NXPH2: variants seen among roughly 807,000 people sequenced by gnomAD.
NXPH2 encodes neurexophilin 2, also known as neurexophilin-2.
Under a neutral mutation model 19.8 loss-of-function variants are expected in NXPH2, and 5 were observed. The ratio of observed to expected loss-of-function variants is 0.25; its 90% confidence interval spans 0.13 to 0.53. The LOEUF (loss-of-function observed/expected upper bound fraction) is 0.53, where lower values mean the gene tolerates loss of function less well. Among genes scored for constraint, NXPH2 ranks in the 20% least tolerant of loss-of-function variants. NXPH2 has a pLI of 0.96. For synonymous variants in NXPH2, 154 were observed against 127.4 expected (o/e 1.21, Z -1.41); for missense variants, 289 against 322.8 (o/e 0.90, Z 0.80).
intron 1 of NXPH2, among the ~76,000 whole-genome samples, chr2:138,699,321 C>G (rs1680881458): frequency 6.6e-6 from 1 of 152,026 alleles, no homozygotes; most frequent in Admixed American, 6.6e-5. Flanking sequence ...GAGAAAAGAG[C>G]AAAGAGGAAG....
chr2:138,766,427 T>C (rs1270663333), intron 1 of NXPH2, among the ~76,000 whole-genome samples: 2 of 152,166 alleles, frequency 1.3e-5, no homozygotes, highest in Non-Finnish European at 2.9e-5. Flanking sequence ...TTTGTCAATG[T>C]CTGGAGACTT....
At chr2:138,706,298 A>C (rs1303065475) in intron 1 of NXPH2, among the ~76,000 whole-genome samples, 7 of 152,348 alleles carry the variant, frequency 4.6e-5, no homozygotes, top group African/African-American at 1.4e-4. Context: ...TGGCAGTGTA[A>C]GCAAGAAAGT....
At chr2:138,678,416 A>T (rs923876981) in intron 1 of NXPH2, among the ~76,000 whole-genome samples, 4 of 152,128 alleles carry the variant, frequency 2.6e-5, no homozygotes, top group African/African-American at 9.7e-5. Context: ...GAATTCTCAT[A>T]AGGGTTGCAG....
intron 1 of NXPH2, among the ~76,000 whole-genome samples, chr2:138,692,975 T>C (rs1267291718): frequency 6.6e-6 from 1 of 152,206 alleles, no homozygotes; most frequent in Non-Finnish European, 1.5e-5. Flanking sequence ...TAAGTTATAG[T>C]TCCATTTCAT....
intron 1 of NXPH2, among the ~76,000 whole-genome samples, chr2:138,712,684 T>G (rs926561819): frequency 6.6e-6 from 1 of 152,180 alleles, no homozygotes; most frequent in Non-Finnish European, 1.5e-5. Flanking sequence ...CCCCTTCCTA[T>G]GTTCTTGAGA....
In NXPH2 at chr2:138,669,564, A is replaced by T. The variant is rs11686608; in HGVS notation, c.*1358T>A. Among the ~76,000 whole-genome samples, 1,928 of 152,308 alleles carry T rather than the reference A, an allele frequency of 0.013. 17 individuals are homozygous for T. Among genetic ancestry groups the T allele is most frequent in the Non-Finnish European group, 0.02 (1,365 of 68,020 alleles). ...TAGGACTTCTCTTCCTTTAGTCCTC[A>T]ATTTAATGTTTTACTTTAATTAATA... On this transcript the variant is annotated 3_prime_UTR_variant, in exon 2 of 2. Transcript: ENST00000272641.
At chr2:138,671,925 T>C (rs1680422881) in intron 1 of NXPH2, among the ~76,000 whole-genome samples, 1 of 151,318 alleles carries the variant, frequency 6.6e-6, no homozygotes, top group African/African-American at 2.4e-5. Context: ...GATTTTAGTC[T>C]CTGTTTCCTG....
Position 138,670,777 on chromosome 2 carries a change from C to T in NXPH2, c.*145G>A. The T allele has an allele frequency of 6.0e-6, 5 of 832,022 alleles. No homozygotes were observed. Among genetic ancestry groups the T allele is most frequent in the African/African-American group, 1.7e-5 (1 of 58,022 alleles). The allele number at this position is 832,022 out of a possible 1,614,324, so 51.5% of individuals were successfully genotyped here. ...TTCACACTTAAAGATGTCTCTTTTT[C>T]TTTTTTTAAATTTGAAAACCTGATA... On this transcript the variant is annotated 3_prime_UTR_variant, in exon 2 of 2. Coordinates refer to ENST00000272641, the MANE Select transcript of NXPH2 (RefSeq NM_007226.3).
chr2:138,749,123 T>C (rs1293050546), intron 1 of NXPH2, among the ~76,000 whole-genome samples: 1 of 152,160 alleles, frequency 6.6e-6, no homozygotes, highest in Non-Finnish European at 1.5e-5. Flanking sequence ...CGGGGCAGTT[T>C]CCCCCATGCT....
chr2:138,755,535 A>G (rs1377527065), intron 1 of NXPH2, among the ~76,000 whole-genome samples: 1 of 152,004 alleles, frequency 6.6e-6, no homozygotes, highest in Non-Finnish European at 1.5e-5. Context: ...CTATGTGTCT[A>G]TATTTGCTTT....
At chr2:138,780,074 GC>G (rs1203421312) in intron 1 of NXPH2, 116 bp downstream of exon 1, 1 of 1,012,894 alleles carries the variant, frequency 9.9e-7, no homozygotes, top group Non-Finnish European at 1.4e-6. Flanking sequence ...CCCTCCGCGC[GC>G]CCCCAACCCC....
chr2:138,671,345 G>C lies in NXPH2; in HGVS notation c.372C>G (p.Val124=). Residue 124 remains valine, a synonymous_variant, in exon 2 of 2, where the codon GTC becomes GTG. Coordinates refer to ENST00000272641, the MANE Select transcript of NXPH2 (RefSeq NM_007226.3). ...TCCCTGTGATGAGGAGATTGAGTTT[G>C]ACAGTTTTAATGTTGGAATGAAAGT... The part of the protein sequence containing the change: ...WGDFHSNIKT[V]KLNLLITGKI... The C allele has an allele frequency of 1.2e-6, 2 of 1,613,814 alleles. No individual in the cohort carries two copies. Among genetic ancestry groups the C allele is most frequent in the African/African-American group, 1.3e-5 (1 of 75,034 alleles).
chr2:138,671,750 T>C, intron 1 of NXPH2, 85 bp from the exon 2 acceptor site: 6 of 1,290,008 alleles, frequency 4.7e-6, no homozygotes, highest in Non-Finnish European at 6.3e-6. Context: ...CAAGGGAAAT[T>C]ATTTCAACAT....
chr2:138,719,911 T>C (rs1681250281), intron 1 of NXPH2, among the ~76,000 whole-genome samples: 1 of 152,192 alleles, frequency 6.6e-6, no homozygotes, highest in Non-Finnish European at 1.5e-5. Flanking sequence ...TACTTTTTCT[T>C]GTGCAAATAG....
At chr2:138,686,700 A>G (rs957506792) in intron 1 of NXPH2, among the ~76,000 whole-genome samples, 1 of 149,050 alleles carries the variant, frequency 6.7e-6, no homozygotes, top group African/African-American at 2.5e-5. Context: ...ATCCCTCCCC[A>G]CTCCTCCCAC....
intron 1 of NXPH2, among the ~76,000 whole-genome samples, chr2:138,692,671 A>G (rs1420114763): frequency 6.6e-6 from 1 of 152,194 alleles, no homozygotes; most frequent in Non-Finnish European, 1.5e-5. Context: ...TCTTATGCAT[A>G]GCATATTTGG....
At chr2:138,760,532 C>T (rs1018376580) in intron 1 of NXPH2, among the ~76,000 whole-genome samples, 3 of 152,186 alleles carry the variant, frequency 2.0e-5, no homozygotes, top group African/African-American at 7.2e-5. Flanking sequence ...CATCTATCAT[C>T]AAAAATCATA....
chr2:138,780,350 C>T lies in NXPH2; in HGVS notation c.-109G>A. On this transcript the variant is annotated 5_prime_UTR_variant, in exon 1 of 2. Transcript: ENST00000272641. ...ACGCCAGGGACACAGCGCGGCGCTT[C>T]CCTCCCGGAATCCGAGCGCTGCGCC... 1.2e-6 allele frequency: 1 copy of T among 862,326 alleles called. No individual in the cohort carries two copies. The highest frequency in any genetic ancestry group is 4.3e-5 in the Admixed American group (1 of 23,172). 53.4% of individuals were successfully genotyped at this position (862,326 alleles called of 1,614,324 possible).
intron 1 of NXPH2, among the ~76,000 whole-genome samples, chr2:138,774,492 C>T (rs1682228674): frequency 6.6e-6 from 1 of 152,056 alleles, no homozygotes; most frequent in Non-Finnish European, 1.5e-5. Context: ...TATACAGTAA[C>T]TAAAGATGTA....
Sources: allele counts gnomAD v4.1 joint callset (sites outside exome capture counted in the v4.1 genomes callset), GRCh38; gene constraint gnomAD v4.1.1; transcripts MANE v1.5; gene names NCBI Gene and HGNC (gene_info 2026-07-23, HGNC 2026-07-21).